The following MAPKAP1 variants were observed in gnomAD, a reference collection of about 807,000 sequenced individuals.
MAPKAP1 encodes the protein MAPK associated protein 1.
Under a neutral mutation model 65.7 loss-of-function variants are expected in MAPKAP1, and 20 were observed. The ratio of observed to expected loss-of-function variants is 0.30; its 90% CI spans 0.21 to 0.44. The LOEUF is 0.44. MAPKAP1 is among the 20% of genes least tolerant of loss of function. The pLI is 1.00. For synonymous variants in MAPKAP1, 222 were observed against 244.3 expected (o/e 0.91, Z 0.85); for missense variants, 423 against 648.0 (o/e 0.65, Z 3.77).
intron 4 of MAPKAP1, among the ~76,000 whole-genome samples, chr9:125,596,991 C>T (rs1228282207): frequency 4.8e-5 from 7 of 147,198 alleles, no homozygotes; most frequent in South Asian, 2.1e-4. Context: ...AGGCCAGGCG[C>T]GGTGGCTTAT....
intron 4 of MAPKAP1, among the ~76,000 whole-genome samples, chr9:125,616,655 T>G (rs1832755030): frequency 6.6e-6 from 1 of 152,028 alleles, no homozygotes; most frequent in African/African-American, 2.4e-5. Flanking sequence ...GAGATACAAT[T>G]TCACACCCAT....
chr9:125,482,148 A>AAAGAAGAAG (rs549036267), intron 9 of MAPKAP1, among the ~76,000 whole-genome samples: 4 of 116,996 alleles, frequency 3.4e-5, no homozygotes, highest in African/African-American at 9.6e-5. Context: ...AAAAAAAAAA[A>AAAGAAGAAG]AAGAAGAAGA....
At chr9:125,488,721 G>A (rs1854587325) in intron 8 of MAPKAP1, among the ~76,000 whole-genome samples, 1 of 152,212 alleles carries the variant, frequency 6.6e-6, no homozygotes, top group Admixed American at 6.5e-5. Flanking sequence ...ATGCAATGGT[G>A]CAACCACTTC....
intron 4 of MAPKAP1, among the ~76,000 whole-genome samples, chr9:125,600,470 A>G (rs1472565303): frequency 6.6e-6 from 1 of 152,228 alleles, no homozygotes; most frequent in East Asian, 1.9e-4. Context: ...AAGACCATCT[A>G]CTTCAAAAGA....
chr9:125,683,571 G>C (rs991760279), intron 1 of MAPKAP1, among the ~76,000 whole-genome samples: 1 of 152,082 alleles, frequency 6.6e-6, no homozygotes, highest in African/African-American at 2.4e-5. Flanking sequence ...TCATATCACC[G>C]CAAGGAAATG....
chr9:125,602,862 A>C (rs1832340026), intron 4 of MAPKAP1, among the ~76,000 whole-genome samples: 3 of 152,168 alleles, frequency 2.0e-5, no homozygotes, highest in Non-Finnish European at 4.4e-5. Context: ...TGTCTCAAAC[A>C]AAACCAAACC....
At chr9:125,535,389 A>G (rs1158916060) in intron 7 of MAPKAP1, among the ~76,000 whole-genome samples, 1 of 152,148 alleles carries the variant, frequency 6.6e-6, no homozygotes, top group Non-Finnish European at 1.5e-5. Context: ...TTGACAATTT[A>G]CCACATTTTA....
chr9:125,681,265 G>A (rs1834813387), intron 1 of MAPKAP1, among the ~76,000 whole-genome samples: 1 of 152,216 alleles, frequency 6.6e-6, no homozygotes, highest in African/African-American at 2.4e-5. Context: ...GAATGTTGTG[G>A]AAATTCTGAA....
Position 125,599,366 on chromosome 9 carries a change from G to A in MAPKAP1, c.499-13639C>T, listed in dbSNP as rs562887305. Among the ~76,000 whole-genome samples the A allele has an allele frequency of 5.9e-5, 9 of 152,208 alleles. 2 individuals carry two copies. The South Asian group carries it at 1.7e-3, about 28-fold the overall frequency. The stretch of plus-strand genomic sequence containing the variant: ...CTAAAATGTGTTTATGTCCACTGAG[G>A]TGCAATCTCTCTGCAAGTTTTACTC... On this transcript the variant is annotated intron_variant, in intron 4 of 11. Coordinates refer to ENST00000265960, the MANE Select transcript of MAPKAP1 (RefSeq NM_001006617.3).
rs1332538353 is a variant in MAPKAP1, at chr9:125,468,087, C to T, written c.1230G>A (p.Glu410=). 6.2e-7 allele frequency: 1 copy of T among 1,614,218 alleles called. No individual in the cohort carries two copies. Among genetic ancestry groups the T allele is most frequent in the East Asian group, 2.2e-5 (1 of 44,890 alleles). Residue 410 remains glutamate (E), a synonymous_variant, in exon 10 of 12, where the codon GAG becomes GAA. Coordinates refer to ENST00000265960, the MANE Select transcript of MAPKAP1 (RefSeq NM_001006617.3). ...VQLGISGDKV[E]IDPVTNQKAS... ...CTTTCTGATTCGTAACAGGGTCTAT[C>T]TCTACTTTGTCTCCAGAGATACCTG... is the stretch of plus-strand genomic sequence containing the variant.
intron 4 of MAPKAP1, among the ~76,000 whole-genome samples, chr9:125,638,853 C>G: frequency 6.6e-6 from 1 of 152,224 alleles, no homozygotes; most frequent in Admixed American, 6.5e-5. Context: ...GCAAAAGGAA[C>G]GATCACCACC....
At chr9:125,655,240 G>A (rs964519340) in intron 4 of MAPKAP1, among the ~76,000 whole-genome samples, 6 of 151,564 alleles carry the variant, frequency 4.0e-5, no homozygotes, top group Admixed American at 1.3e-4. Context: ...AATATGAGCC[G>A]AAAAAAAATA....
chr9:125,672,977 G>A (rs638168), intron 1 of MAPKAP1, among the ~76,000 whole-genome samples: 74,863 of 151,960 alleles, frequency 0.49, 19,281 homozygotes, highest in East Asian at 0.67. Context: ...TCACTATCAT[G>A]CAATCTTCTC....
chr9:125,478,289 G>A (rs1854184389), intron 9 of MAPKAP1: 1 of 152,144 alleles, frequency 6.6e-6, no homozygotes, highest in South Asian at 2.1e-4. Context: ...TGGCCAACTA[G>A]AAGTAATCAC....
chr9:125,521,496 T>G, intron 7 of MAPKAP1: 1 of 1,269,918 alleles, frequency 7.9e-7, no homozygotes, highest in South Asian at 2.8e-5. Context: ...TCATTTATTT[T>G]AAACAATTGT....
chr9:125,459,581 G>A (rs560494765), intron 10 of MAPKAP1, among the ~76,000 whole-genome samples: 47 of 152,320 alleles, frequency 3.1e-4, no homozygotes, highest in African/African-American at 9.9e-4. Context: ...AGGAGGCCGA[G>A]GCTGGCGGAT....
At chr9:125,475,936 C>G (rs1854092220) in intron 9 of MAPKAP1, among the ~76,000 whole-genome samples, 1 of 152,208 alleles carries the variant, frequency 6.6e-6, no homozygotes, top group Admixed American at 6.5e-5. Flanking sequence ...GCACAGAACT[C>G]TGGATGAACG....
intron 6 of MAPKAP1, among the ~76,000 whole-genome samples, chr9:125,543,516 T>A (rs1434167349): frequency 6.6e-6 from 1 of 152,042 alleles, no homozygotes; most frequent in Non-Finnish European, 1.5e-5. Flanking sequence ...GACCTCGTGA[T>A]CTGCCCGCCT....
chr9:125,465,597 C>T (rs1853641008), intron 10 of MAPKAP1, among the ~76,000 whole-genome samples: 1 of 152,234 alleles, frequency 6.6e-6, no homozygotes. Flanking sequence ...ATTCTAAATT[C>T]TGGCTTCAGT....
Sources: allele counts gnomAD v4.1 joint callset (sites outside exome capture counted in the v4.1 genomes callset), GRCh38; gene constraint gnomAD v4.1.1; transcripts MANE v1.5; gene names NCBI Gene and HGNC (gene_info 2026-07-23, HGNC 2026-07-21).